EVL: variants seen among roughly 807,000 people sequenced by gnomAD.
EVL encodes Enah/Vasp-like, also known as ena/VASP-like protein.
A neutral mutation model predicts 59.6 loss-of-function variants in EVL; 21 were observed. That is an observed-to-expected ratio of 0.35 (90% CI 0.25 to 0.51). The LOEUF (loss-of-function observed/expected upper bound fraction) is 0.51, where lower values mean the gene tolerates loss of function less well. EVL is among the 20% of genes least tolerant of loss of function. The pLI is 0.97. For missense variants in EVL, 462 were observed against 546.6 expected, an observed-to-expected ratio of 0.85 and a Z score of 1.54; for synonymous variants, 198 against 203.5, an observed-to-expected ratio of 0.97 and a Z score of 0.23.
chr14:100,081,513 C>CAAAAAAAAAAAAAAAA (rs34871876), intron 1 of EVL, among the ~76,000 whole-genome samples: 1 of 122,426 alleles, frequency 8.2e-6, no homozygotes, highest in African/African-American at 2.9e-5. Context: ...TTAACAACAG[C>CAAAAAAAAAAAAAAAA]AAAAAAAAAA....
chr14:100,118,371 T>G (rs1252205416), intron 3 of EVL, among the ~76,000 whole-genome samples: 1 of 152,250 alleles, frequency 6.6e-6, no homozygotes, highest in Non-Finnish European at 1.5e-5. Flanking sequence ...TTTGGAATCC[T>G]TTGTCAAATC....
chr14:100,019,141 A>C (rs2061078246), intron 1 of EVL, among the ~76,000 whole-genome samples: 1 of 152,222 alleles, frequency 6.6e-6, no homozygotes. Flanking sequence ...AATTCTGCAG[A>C]ATTTTTCAGT....
intron 1 of EVL, among the ~76,000 whole-genome samples, chr14:100,016,031 A>T (rs747351642): frequency 6.6e-6 from 1 of 151,212 alleles, no homozygotes; most frequent in Non-Finnish European, 1.5e-5. Flanking sequence ...GTGAGCTGAG[A>T]TTGCACCACT....
chr14:100,104,862 A>G (rs1219902696), intron 3 of EVL, among the ~76,000 whole-genome samples: 1 of 150,392 alleles, frequency 6.6e-6, no homozygotes, highest in Non-Finnish European at 1.5e-5. Context: ...AAAGATAGGA[A>G]GGGTTTTAGG....
At chr14:100,021,704 A>G (rs1208699281) in intron 1 of EVL, among the ~76,000 whole-genome samples, 2 of 152,330 alleles carry the variant, frequency 1.3e-5, no homozygotes, top group Non-Finnish European at 2.9e-5. Flanking sequence ...CTGTATTTCT[A>G]ACAACTTCCC....
intron 1 of EVL, among the ~76,000 whole-genome samples, chr14:99,988,817 C>G (rs1395460379): frequency 3.9e-5 from 6 of 152,074 alleles, no homozygotes; most frequent in Non-Finnish European, 2.9e-5. Context: ...CACAAAAGAC[C>G]ACATATTGTA....
At chr14:99,997,621 G>A (rs929821696) in intron 1 of EVL, among the ~76,000 whole-genome samples, 3 of 152,204 alleles carry the variant, frequency 2.0e-5, no homozygotes, top group African/African-American at 7.2e-5. Context: ...GTGAAGAGAG[G>A]ACAGACCTAT....
chr14:100,013,328 G>A (rs1022914484), intron 1 of EVL, among the ~76,000 whole-genome samples: 2 of 152,186 alleles, frequency 1.3e-5, no homozygotes, highest in African/African-American at 4.8e-5. Flanking sequence ...TGGTCAGGAG[G>A]GCAACTCGAT....
At chr14:99,983,452 C>G (rs2060821113) in intron 1 of EVL, among the ~76,000 whole-genome samples, 1 of 152,142 alleles carries the variant, frequency 6.6e-6, no homozygotes, top group Non-Finnish European at 1.5e-5. Context: ...CATTTTATAG[C>G]TCTAAAGGTG....
At chr14:100,099,244 A>C (rs1308431078) in intron 3 of EVL, among the ~76,000 whole-genome samples, 3 of 151,648 alleles carry the variant, frequency 2.0e-5, no homozygotes, top group Admixed American at 6.6e-5. Flanking sequence ...TTTAGGACCC[A>C]GTTTAAGTGT....
chr14:100,029,429 A>AT (rs1272845057), intron 1 of EVL, among the ~76,000 whole-genome samples: 1 of 152,210 alleles, frequency 6.6e-6, no homozygotes, highest in African/African-American at 2.4e-5. Context: ...TCTACTCAAT[A>AT]TAAGCCACAG....
intron 1 of EVL, among the ~76,000 whole-genome samples, chr14:100,067,779 G>A (rs2140273619): frequency 6.6e-6 from 1 of 152,326 alleles, no homozygotes; most frequent in African/African-American, 2.4e-5. Flanking sequence ...CTGGTAGGGA[G>A]TGAGGAAGAC....
At chr14:100,113,031 G>A (rs1486342076) in intron 3 of EVL, among the ~76,000 whole-genome samples, 2 of 152,228 alleles carry the variant, frequency 1.3e-5, no homozygotes, top group Non-Finnish European at 2.9e-5. Flanking sequence ...AGAGAACACA[G>A]GGCTTCTTGC....
intron 4 of EVL, 56 bp from the exon 5 acceptor site, chr14:100,126,651 G>A: frequency 6.3e-7 from 1 of 1,593,148 alleles, no homozygotes; most frequent in Non-Finnish European, 8.6e-7. Flanking sequence ...CAGGCACAGA[G>A]TGTGGTGGTC....
At chr14:100,070,004 A>G (rs2062014737) in intron 1 of EVL, among the ~76,000 whole-genome samples, 1 of 151,378 alleles carries the variant, frequency 6.6e-6, no homozygotes. Context: ...ACGCAGGTAG[A>G]TCACCTGAGC....
chr14:100,007,501 C>G (rs1466912724), intron 1 of EVL, among the ~76,000 whole-genome samples: 1 of 152,176 alleles, frequency 6.6e-6, no homozygotes, highest in Non-Finnish European at 1.5e-5. Context: ...AAAAAAAGAT[C>G]TGTGCTGCTC....
chr14:100,126,878 G>C, intron 5 of EVL, 107 bp downstream of exon 5: 1 of 1,036,340 alleles, frequency 9.6e-7, no homozygotes, highest in South Asian at 1.5e-5. Context: ...GAGCAGCTAT[G>C]GGGAGCCTAG....
chr14:100,065,311 G>A (rs986450344), upstream of EVL: 1 of 422,232 alleles, frequency 2.4e-6, no homozygotes, highest in Non-Finnish European at 3.8e-6. Context: ...TTTCTACCTA[G>A]GTTTCAGTTT....
At chr14:100,126,010 T>C (rs1238657207) in intron 4 of EVL, among the ~76,000 whole-genome samples, 1 of 152,314 alleles carries the variant, frequency 6.6e-6, no homozygotes, top group East Asian at 1.9e-4. Context: ...GCTGAGCTCT[T>C]GATGCTGTCT....
Sources: allele counts gnomAD v4.1 joint callset (sites outside exome capture counted in the v4.1 genomes callset), GRCh38; gene constraint gnomAD v4.1.1; transcripts MANE v1.5; gene names NCBI Gene and HGNC (gene_info 2026-07-23, HGNC 2026-07-21).